Variants in MORC3 observed in about 807,000 individuals in gnomAD.
MORC3 encodes the protein MORC family CW-type zinc finger protein 3.
A neutral mutation model predicts 109.1 loss-of-function variants in MORC3; 31 were observed. The observed-to-expected ratio is 0.28, with a 90% CI of 0.21 to 0.38. MORC3 has a LOEUF of 0.38. Among genes scored for constraint, MORC3 ranks in the 10% least tolerant of loss-of-function variants. The pLI is 1.00. For missense variants in MORC3, 867 were observed against 1,135.8 expected, an observed-to-expected ratio of 0.76 and a Z score of 3.40; for synonymous variants, 395 against 380.7, an observed-to-expected ratio of 1.04 and a Z score of -0.44.
chr21:36,345,413 G>GT (rs369756500), intron 8 of MORC3, among the ~76,000 whole-genome samples: 3 of 150,758 alleles, frequency 2.0e-5, no homozygotes, highest in Non-Finnish European at 3.0e-5. Context: ...ACCACGCCTG[G>GT]TTTTTTTTGT....
At chr21:36,335,465 G>A (rs529418458) in intron 2 of MORC3, among the ~76,000 whole-genome samples, 57 of 152,016 alleles carry the variant, frequency 3.7e-4, no homozygotes, top group African/African-American at 1.3e-3. Flanking sequence ...ACAGGCACAT[G>A]CCACCGCTCC....
intron 6 of MORC3, 84 bp from the exon 7 acceptor site, chr21:36,344,495 A>G: frequency 1.4e-6 from 2 of 1,429,770 alleles, no homozygotes; most frequent in Non-Finnish European, 1.9e-6. Flanking sequence ...TATCAAGTTA[A>G]TAGGAGAGCT....
At chr21:36,367,174 T>G (rs1466507967) in intron 14 of MORC3, among the ~76,000 whole-genome samples, 2 of 152,210 alleles carry the variant, frequency 1.3e-5, no homozygotes, top group Non-Finnish European at 2.9e-5. Context: ...TTTTTACTGC[T>G]GAAGATGTAC....
At chr21:36,353,368 A>T in intron 9 of MORC3, among the ~76,000 whole-genome samples, 1 of 150,898 alleles carries the variant, frequency 6.6e-6, no homozygotes, top group Admixed American at 6.6e-5. Flanking sequence ...AAAAAAAAAA[A>T]AAAAAAAAAA....
intron 3 of MORC3, among the ~76,000 whole-genome samples, chr21:36,337,501 C>CA (rs1236720642): frequency 6.6e-6 from 1 of 151,994 alleles, no homozygotes; most frequent in Non-Finnish European, 1.5e-5. Context: ...GCTGGGAAAA[C>CA]ACGTCAAGAT....
chr21:36,339,093 T>C, intron 5 of MORC3, 172 bp downstream of exon 5: 1 of 688,770 alleles, frequency 1.5e-6, no homozygotes, highest in Non-Finnish European at 2.2e-6. Flanking sequence ...CCATTTCAGC[T>C]TCAATTTGAG....
chr21:36,369,852 T>G lies in MORC3; in HGVS notation c.2484T>G (p.Ile828Met), dbSNP rs1289210533. Residue 828 changes from isoleucine (I) to methionine (M), a missense_variant, in exon 15 of 17, where the codon ATT becomes ATG. By Grantham distance (10) the Ile-to-Met change is conservative (BLOSUM62 1). This residue lies in a region of MORC3 where 486 missense variants were observed against 502.1 expected (regional missense o/e 0.97). Transcript: ENST00000400485. ...DVFRQLDKCS[I>M]ERDQYKSEVE... ...TTAGACAACTGGACAAATGCAGTAT[T>G]GAGAGGGACCAGTATAAAAGTGAGG... is the stretch of plus-strand genomic sequence containing the variant. 2 of 1,612,944 alleles carry G rather than the reference T, an allele frequency of 1.2e-6. No individual in the cohort carries two copies. The highest frequency in any genetic ancestry group is 1.3e-5 in the African/African-American group (1 of 75,042).
chr21:36,345,079 A>C (rs769897084), intron 8 of MORC3, 48 bp downstream of exon 8: 3 of 1,529,602 alleles, frequency 2.0e-6, no homozygotes, highest in African/African-American at 2.8e-5. Flanking sequence ...TTTCCACAAA[A>C]GTTAGGATAA....
At chr21:36,326,468 T>G (rs985687651) in intron 1 of MORC3, among the ~76,000 whole-genome samples, 3 of 152,160 alleles carry the variant, frequency 2.0e-5, no homozygotes, top group Non-Finnish European at 4.4e-5. Context: ...AAAGTTGCAG[T>G]GAGCCACACC....
In MORC3 at chr21:36,369,778, G is replaced by A; in HGVS notation, c.2410G>A (p.Glu804Lys). ...KAECSQCSNN[E>K]SKSEMDEMAV... ...TGAATGCAGCCAGTGTTCCAATAAT[G>A]AGAGTAAAAGTGAAATGGATGAGAT... The change falls in exon 15 of 17, where the codon GAG (glutamate) becomes AAG (lysine). Residue 804 changes from glutamate to lysine, a missense_variant. Glu to Lys is a moderately conservative substitution (Grantham distance 56, BLOSUM62 1). Transcript: ENST00000400485. 6.2e-7 allele frequency: 1 copy of A among 1,614,178 alleles called. No individual in the cohort carries two copies. The highest frequency in any genetic ancestry group is 1.1e-5 in the South Asian group (1 of 91,066).
At chr21:36,324,806 C>G (rs145414633) in intron 1 of MORC3, among the ~76,000 whole-genome samples, 2 of 150,382 alleles carry the variant, frequency 1.3e-5, no homozygotes, top group East Asian at 3.9e-4. Context: ...TTCCCAGGTT[C>G]AAGCAGTTCT....
intron 15 of MORC3, among the ~76,000 whole-genome samples, chr21:36,370,985 T>C (rs1351081445): frequency 1.3e-5 from 2 of 152,118 alleles, no homozygotes; most frequent in African/African-American, 4.8e-5. Flanking sequence ...GCTTGTGTTC[T>C]GACTATCAGA....
At chr21:36,370,635 ATATATTTTTTTTT>A (rs1196392346) in intron 15 of MORC3, among the ~76,000 whole-genome samples, 1,022 of 41,682 alleles carry the variant, frequency 0.025, 1 homozygote, top group South Asian at 0.062. Flanking sequence ...ATATATATAT[ATATATTTTTTTTT>A]TTTTTTTTTT....
chr21:36,351,995 A>C (rs2085578256), intron 9 of MORC3, among the ~76,000 whole-genome samples: 1 of 152,006 alleles, frequency 6.6e-6, no homozygotes, highest in Non-Finnish European at 1.5e-5. Context: ...GTCTCTTATC[A>C]TAGAATTAAA....
In MORC3 at chr21:36,345,110, G is replaced by A. The variant is rs2085492954; in HGVS notation, c.1005+79G>A. 6 of 1,360,920 alleles carry A rather than the reference G, an allele frequency of 4.4e-6. No homozygotes were observed. In the Admixed American group the frequency reaches 1.3e-4, roughly 30 times the overall value. The allele number at this position is 1,360,920 out of a possible 1,614,324, so 84.3% of individuals were successfully genotyped here. ...GATAATATATGCTCTTGAGTCAAATGTTAAATAATTTTATTGTACCTTTTG... is the reference window on the plus strand; with the variant it reads ...GATAATATATGCTCTTGAGTCAAATATTAAATAATTTTATTGTACCTTTTG... On this transcript the variant is annotated intron_variant, in intron 8 of 16. Coordinates refer to ENST00000400485, the MANE Select transcript of MORC3 (RefSeq NM_015358.3).
intron 13 of MORC3, among the ~76,000 whole-genome samples, chr21:36,362,836 A>G (rs569224944): frequency 6.6e-6 from 1 of 152,212 alleles, no homozygotes; most frequent in South Asian, 2.1e-4. Flanking sequence ...TCCTAATCCA[A>G]CATCATTCAA....
At chr21:36,362,121 A>T in intron 12 of MORC3, 62 bp from the exon 13 acceptor site, 1 of 1,527,088 alleles carries the variant, frequency 6.5e-7, no homozygotes, top group Non-Finnish European at 9.1e-7. Flanking sequence ...CATAAATGGC[A>T]GGTATGTCAT....
At chr21:36,330,788 A>G (rs2085306100) in intron 1 of MORC3, among the ~76,000 whole-genome samples, 1 of 152,222 alleles carries the variant, frequency 6.6e-6, no homozygotes, top group Non-Finnish European at 1.5e-5. Flanking sequence ...AGAAGGTGGG[A>G]CAGGAAAGTT....
At chr21:36,324,025 G>A (rs1270672251) in intron 1 of MORC3, among the ~76,000 whole-genome samples, 12 of 151,706 alleles carry the variant, frequency 7.9e-5, no homozygotes, top group African/African-American at 2.2e-4. Context: ...GCAGGCATGC[G>A]CCACCACGTC....
Sources: gnomAD v4.1 joint callset for allele counts (sites outside exome capture counted in the v4.1 genomes callset) on GRCh38, gnomAD v4.1.1 for gene constraint, gnomAD v4.1.1 regional missense constraint, MANE v1.5 for transcripts, NCBI Gene and HGNC (gene_info 2026-07-23, HGNC 2026-07-21) for gene names.